The following CXCL13 variants were observed in gnomAD, a reference collection of about 807,000 sequenced individuals.
CXCL13 encodes C-X-C motif chemokine ligand 13.
A neutral mutation model predicts 12.2 loss-of-function variants in CXCL13; 7 were observed. That is an observed-to-expected ratio of 0.57 (90% confidence interval 0.33 to 1.07). CXCL13 has a LOEUF of 1.07. Among genes scored for constraint, CXCL13 ranks in the 50% least tolerant of loss-of-function variants. The pLI, the probability that CXCL13 is intolerant of heterozygous loss-of-function variation, is 0.04. For synonymous variants in CXCL13, 47 were observed against 42.4 expected (o/e 1.11, Z -0.42); for missense variants, 113 against 127.4 (o/e 0.89, Z 0.55).
At chr4:77,536,798 A>G (rs530605755) in intron 1 of CXCL13, among the ~76,000 whole-genome samples, 1 of 152,224 alleles carries the variant, frequency 6.6e-6, no homozygotes, top group Non-Finnish European at 1.5e-5. Context: ...GATGCTTAGA[A>G]ATTCTTTAAA....
intron 1 of CXCL13, among the ~76,000 whole-genome samples, chr4:77,572,886 A>C (rs887000798): frequency 1.3e-5 from 2 of 152,002 alleles, no homozygotes; most frequent in Non-Finnish European, 2.9e-5. Flanking sequence ...AATATACACC[A>C]TGGAATACTA....
intron 1 of CXCL13, among the ~76,000 whole-genome samples, chr4:77,513,436 A>T (rs1420219152): frequency 6.6e-6 from 1 of 150,904 alleles, no homozygotes; most frequent in Non-Finnish European, 1.5e-5. Context: ...CATCCTCTCC[A>T]GCATCTGTTG....
Position 77,589,009 on chromosome 4 carries a change from G to A in CXCL13, c.-42-16815G>A, listed in dbSNP as rs143809260. On this transcript the variant is annotated intron_variant, in intron 1 of 4. Coordinates refer to the CXCL13 transcript ENST00000286758. ...TCTGTCTAGATTTCTATTTTAGGCCGATGTGGTTGGAAAGGCTTATAGAAC... is the reference window on the plus strand; with the variant it reads ...TCTGTCTAGATTTCTATTTTAGGCCAATGTGGTTGGAAAGGCTTATAGAAC... Among the ~76,000 whole-genome samples, 623 of 152,254 alleles carry A rather than the reference G, an allele frequency of 4.1e-3. 3 individuals are homozygous for A. The highest frequency in any genetic ancestry group is 0.014 in the African/African-American group (584 of 41,532).
intron 1 of CXCL13, among the ~76,000 whole-genome samples, chr4:77,553,212 G>T (rs183831582): frequency 2.6e-5 from 4 of 152,294 alleles, no homozygotes; most frequent in Admixed American, 2.6e-4. Flanking sequence ...TCCTGCTCCA[G>T]GTCTGTGATG....
At chr4:77,564,954 C>T (rs1298284806) in intron 1 of CXCL13, among the ~76,000 whole-genome samples, 1 of 152,110 alleles carries the variant, frequency 6.6e-6, no homozygotes, top group African/African-American at 2.4e-5. Context: ...CTTGGGGAGC[C>T]CACACGGGGT....
chr4:77,563,602 A>G (rs1310125244), intron 1 of CXCL13, among the ~76,000 whole-genome samples: 2 of 152,252 alleles, frequency 1.3e-5, no homozygotes, highest in African/African-American at 4.8e-5. Flanking sequence ...AAAGTGAACA[A>G]TTAACTTCTC....
rs138817751 is a variant in CXCL13 at position 77,570,128 on chromosome 4, C to T, written c.-42-35696C>T. The stretch of plus-strand genomic sequence containing the variant: ...ACACCTTATAAAAAAACTAATTCAA[C>T]ATGGATTAAAGACTTCAATGTAAAA... On this transcript the variant is annotated intron_variant, in intron 1 of 4. Coordinates refer to the CXCL13 transcript ENST00000286758. Among the ~76,000 whole-genome samples, 700 of 152,250 alleles carry T rather than the reference C, an allele frequency of 4.6e-3. 5 individuals carry two copies. Among genetic ancestry groups the T allele is most frequent in the African/African-American group, 0.015 (641 of 41,552 alleles).
At chr4:77,547,717 A>G (rs548061252) in intron 1 of CXCL13, among the ~76,000 whole-genome samples, 2 of 152,294 alleles carry the variant, frequency 1.3e-5, no homozygotes, top group East Asian at 1.9e-4. Context: ...TAAATTGGGC[A>G]TTTAGTCCAT....
At chr4:77,600,577 G>A (rs6829547) in intron 1 of CXCL13, among the ~76,000 whole-genome samples, 9,112 of 152,238 alleles carry the variant, frequency 0.06, 850 homozygotes, top group African/African-American at 0.2. Context: ...ACATTATAGC[G>A]TCAGTAGAGG....
intron 1 of CXCL13, among the ~76,000 whole-genome samples, chr4:77,589,773 A>G (rs1726564096): frequency 6.6e-6 from 1 of 152,188 alleles, no homozygotes; most frequent in Non-Finnish European, 1.5e-5. Context: ...AGACATGGAC[A>G]TTGACAGATA....
intron 1 of CXCL13, among the ~76,000 whole-genome samples, chr4:77,512,412 A>G (rs747342920): frequency 6.6e-6 from 1 of 152,160 alleles, no homozygotes; most frequent in Non-Finnish European, 1.5e-5. Context: ...ACACATACTG[A>G]GTGGGTTGAA....
At chr4:77,589,500 C>G (rs1726556397) in intron 1 of CXCL13, among the ~76,000 whole-genome samples, 1 of 151,928 alleles carries the variant, frequency 6.6e-6, no homozygotes, top group African/African-American at 2.4e-5. Flanking sequence ...CTATTAATCT[C>G]TTACCGTGCC....
intron 1 of CXCL13, among the ~76,000 whole-genome samples, chr4:77,588,691 A>G (rs991251556): frequency 3.9e-5 from 6 of 152,166 alleles, no homozygotes; most frequent in Non-Finnish European, 7.4e-5. Context: ...ATCTGGCTCT[A>G]TCTTCATTCT....
chr4:77,568,552 G>C (rs1161730090), intron 1 of CXCL13, among the ~76,000 whole-genome samples: 1 of 152,142 alleles, frequency 6.6e-6, no homozygotes, highest in Non-Finnish European at 1.5e-5. Flanking sequence ...TTTCTTGTGA[G>C]AGGTCCCCCA....
chr4:77,521,614 T>G (rs1724601826), intron 1 of CXCL13, among the ~76,000 whole-genome samples: 2 of 152,164 alleles, frequency 1.3e-5, no homozygotes, highest in Non-Finnish European at 2.9e-5. Context: ...TCTTTTCTCT[T>G]TATTAGTCTT....
At chr4:77,579,995 C>T (rs905448883) in intron 1 of CXCL13, among the ~76,000 whole-genome samples, 4 of 152,130 alleles carry the variant, frequency 2.6e-5, no homozygotes, top group Non-Finnish European at 5.9e-5. Flanking sequence ...CAGATCAGAC[C>T]TTGGCTGTGT....
rs1727139582 is a variant in CXCL13, at chr4:77,611,109, A to G, written c.*70A>G. On this transcript the variant is annotated 3_prime_UTR_variant, in exon 4 of 4. Coordinates refer to ENST00000682537, the MANE Select transcript of CXCL13 (RefSeq NM_001371558.1). Reference sequence around the variant, plus strand: ...TGCTCTGGATTTTAGTTTTGTGCTTAGTTAAATCTTTTCCAGGAAAAAGAA... The same window carrying G: ...TGCTCTGGATTTTAGTTTTGTGCTTGGTTAAATCTTTTCCAGGAAAAAGAA... 7.8e-7 allele frequency: 1 copy of G among 1,284,946 alleles called. No individual in the cohort carries two copies. The highest frequency in any genetic ancestry group is 1.1e-6 in the Non-Finnish European group (1 of 908,926). 79.6% of individuals were successfully genotyped at this position (1,284,946 alleles called of 1,614,324 possible).
At chr4:77,545,154 G>A (rs578023049) in intron 1 of CXCL13, among the ~76,000 whole-genome samples, 3 of 152,122 alleles carry the variant, frequency 2.0e-5, no homozygotes, top group Admixed American at 6.5e-5. Flanking sequence ...CTGTAGCCTT[G>A]TAATATAGTT....
intron 1 of CXCL13, among the ~76,000 whole-genome samples, chr4:77,563,995 G>A (rs1030619722): frequency 1.2e-4 from 18 of 152,174 alleles, no homozygotes; most frequent in African/African-American, 4.1e-4. Context: ...GTGACAGACG[G>A]CCCTGCACTT....
Sources: allele counts gnomAD v4.1 joint callset (sites outside exome capture counted in the v4.1 genomes callset), GRCh38; gene constraint gnomAD v4.1.1; transcripts MANE v1.5; gene names NCBI Gene and HGNC (gene_info 2026-07-23, HGNC 2026-07-21).